Variants in DPY19L2 observed in about 807,000 individuals in gnomAD.
DPY19L2 encodes the protein probable C-mannosyltransferase DPY19L2.
A neutral mutation model predicts 97.9 loss-of-function variants in DPY19L2; 34 were observed. The observed-to-expected ratio is 0.35, with a 90% CI of 0.26 to 0.46. The LOEUF (loss-of-function observed/expected upper bound fraction) is 0.46. Ranked by LOEUF, DPY19L2 falls within the 20% of genes least tolerant of loss-of-function variation. DPY19L2 has a pLI of 1.00. For missense variants in DPY19L2, 623 were observed against 911.4 expected (o/e 0.68, Z 4.07); for synonymous variants, 230 against 307.9 (o/e 0.75, Z 2.65).
rs1313388469 is a variant in DPY19L2 at position 63,611,140 on chromosome 12, G to T, written c.1219-2465C>A. ...AAATTGGAATGCTTATGCACTGTTGGTGGGAATATAAAATAGTGCAGCCAA... is the reference window on the plus strand; with the variant it reads ...AAATTGGAATGCTTATGCACTGTTGTTGGGAATATAAAATAGTGCAGCCAA... On this transcript the variant is annotated intron_variant, in intron 11 of 21. Coordinates refer to ENST00000324472, the MANE Select transcript of DPY19L2 (RefSeq NM_173812.5). Among the ~76,000 whole-genome samples, 6 of 151,900 alleles carry T rather than the reference G, an allele frequency of 3.9e-5. 1 individual carries two copies. The highest frequency in any genetic ancestry group is 8.8e-5 in the Non-Finnish European group (6 of 67,916).
chr12:63,618,334 G>C (rs1243437210), intron 9 of DPY19L2, 106 bp from the exon 10 acceptor site: 1 of 381,866 alleles, frequency 2.6e-6, no homozygotes, highest in African/African-American at 2.1e-5. Context: ...TCTAATAATG[G>C]TAAGCAAAGG....
intron 11 of DPY19L2, among the ~76,000 whole-genome samples, chr12:63,612,566 A>T (rs1410624890): frequency 2.6e-5 from 4 of 151,286 alleles, no homozygotes; most frequent in Non-Finnish European, 5.9e-5. Context: ...ACAAAAAACA[A>T]GAAAGGTCTC....
At chr12:63,663,916 A>T in intron 2 of DPY19L2, 71 bp from the exon 3 acceptor site, 1 of 981,994 alleles carries the variant, frequency 1.0e-6, no homozygotes, top group Non-Finnish European at 1.5e-6. Flanking sequence ...AAGCAATAAG[A>T]AAGCCATAAA....
At chr12:63,598,491 A>T (rs890698520) in intron 13 of DPY19L2, among the ~76,000 whole-genome samples, 1 of 152,186 alleles carries the variant, frequency 6.6e-6, no homozygotes, top group African/African-American at 2.4e-5. Flanking sequence ...GTAGATACCA[A>T]CAACCAAACC....
intron 1 of DPY19L2, 62 bp downstream of exon 1, chr12:63,667,995 C>T (rs1248007869): frequency 1.3e-6 from 2 of 1,550,196 alleles, no homozygotes; most frequent in African/African-American, 2.7e-5. Flanking sequence ...AACTGATCTC[C>T]TTCAAGACTC....
At position 63,647,260 on chromosome 12, in the gene DPY19L2, C is replaced by T. The variant is rs142128553; in HGVS notation, c.694G>A (p.Val232Ile). ...AGAAACATGCCTTCACAGCTTTGAA[C>T]TTCATTAAGAGGTTCTATTCTGGTG... is the stretch of plus-strand genomic sequence containing the variant. The part of the protein sequence containing the change: ...NVTRIEPLNE[V>I]QSCEGLGDPA... Residue 232 changes from valine (V) to isoleucine (I), a missense_variant, in exon 5 of 22, where the codon GTT becomes ATT. This residue lies in a region of DPY19L2 where 27 missense variants were observed against 77.5 expected (regional missense o/e 0.35). Transcript: ENST00000324472. 1.3e-4 allele frequency: 194 copies of T among 1,551,582 alleles called. 1 individual carries two copies. The African/African-American group carries it at 2.4e-3, about 19-fold the overall frequency.
intron 21 of DPY19L2, 103 bp from the exon 22 acceptor site, chr12:63,560,765 G>A (rs925324130): frequency 7.0e-7 from 1 of 1,435,780 alleles, no homozygotes; most frequent in African/African-American, 1.4e-5. Context: ...TATTTCATAA[G>A]TTAAATATTT....
chr12:63,623,883 T>C, intron 8 of DPY19L2, 157 bp downstream of exon 8: 1 of 505,296 alleles, frequency 2.0e-6, no homozygotes, highest in South Asian at 2.1e-5. Context: ...TTTTGTATTT[T>C]AGTAGAGATG....
chr12:63,629,448 C>G (rs1890182790), intron 6 of DPY19L2, among the ~76,000 whole-genome samples: 1 of 152,060 alleles, frequency 6.6e-6, no homozygotes, highest in African/African-American at 2.4e-5. Context: ...ATTCGATCAA[C>G]TGGAAGAAAG....
At chr12:63,566,232 A>T (rs1476642327) in intron 21 of DPY19L2, among the ~76,000 whole-genome samples, 4 of 151,882 alleles carry the variant, frequency 2.6e-5, no homozygotes, top group Admixed American at 6.6e-5. Flanking sequence ...TTGTTTTTTT[A>T]AAAAAACTTT....
intron 12 of DPY19L2, among the ~76,000 whole-genome samples, chr12:63,600,823 T>A (rs1334244881): frequency 2.0e-5 from 3 of 150,914 alleles, no homozygotes; most frequent in Non-Finnish European, 3.0e-5. Flanking sequence ...TCTCTCTCTG[T>A]CCCCCAGGCC....
intron 8 of DPY19L2, 115 bp from the exon 9 acceptor site, chr12:63,621,452 T>C: frequency 1.4e-6 from 1 of 703,966 alleles, no homozygotes; most frequent in Non-Finnish European, 2.5e-6. Flanking sequence ...TTTACTATAA[T>C]ACAACAAAAT....
intron 8 of DPY19L2, among the ~76,000 whole-genome samples, chr12:63,622,915 C>T (rs1393099314): frequency 3.3e-5 from 5 of 152,202 alleles, no homozygotes; most frequent in Middle Eastern, 3.4e-3. Flanking sequence ...CAGAGCAAGA[C>T]CTCATCTCTA....
intron 19 of DPY19L2, among the ~76,000 whole-genome samples, chr12:63,572,321 G>A (rs1879020104): frequency 6.6e-6 from 1 of 152,158 alleles, no homozygotes. Context: ...GTGGAAATGA[G>A]GAGAGACCCC....
At chr12:63,605,544 C>T (rs1391113341) in intron 12 of DPY19L2, among the ~76,000 whole-genome samples, 5 of 152,120 alleles carry the variant, frequency 3.3e-5, no homozygotes, top group African/African-American at 9.7e-5. Context: ...TGTGCACACA[C>T]GTGCAGTGAA....
intron 15 of DPY19L2, among the ~76,000 whole-genome samples, chr12:63,595,661 A>C (rs894254761): frequency 6.6e-6 from 1 of 152,102 alleles, no homozygotes; most frequent in Non-Finnish European, 1.5e-5. Flanking sequence ...CCCACCCCCA[A>C]TAATCCAGGA....
intron 9 of DPY19L2, among the ~76,000 whole-genome samples, chr12:63,619,160 G>A (rs540710871): frequency 6.6e-6 from 1 of 152,158 alleles, no homozygotes; most frequent in East Asian, 1.9e-4. Flanking sequence ...AAAAAATTGG[G>A]CCAGGCATGG....
At chr12:63,611,947 TAAAG>T (rs1367502028) in intron 11 of DPY19L2, among the ~76,000 whole-genome samples, 2 of 151,822 alleles carry the variant, frequency 1.3e-5, no homozygotes, top group African/African-American at 2.4e-5. Context: ...ACAAGAAACA[TAAAG>T]AAAGCTATAG....
intron 11 of DPY19L2, among the ~76,000 whole-genome samples, chr12:63,610,863 A>AAAAAAAAAAAAAAC (rs1886857854): frequency 3.0e-5 from 3 of 100,610 alleles, no homozygotes; most frequent in Non-Finnish European, 2.1e-5. Context: ...AAAAAAAAAA[A>AAAAAAAAAAAAAAC]AAAAAAAAAA....
Sources: allele counts gnomAD v4.1 joint callset (sites outside exome capture counted in the v4.1 genomes callset), GRCh38; gene constraint gnomAD v4.1.1; regional missense constraint gnomAD v4.1.1; transcripts MANE v1.5; gene names NCBI Gene and HGNC (gene_info 2026-07-23, HGNC 2026-07-21).